Variants in MED15 observed in about 807,000 individuals in gnomAD.
MED15 encodes the protein mediator complex subunit 15, also known as mediator of RNA polymerase II transcription subunit 15.
In MED15, 41 loss-of-function variants were observed where a neutral mutation model predicts 118.7. That is an observed-to-expected ratio of 0.35 (90% CI 0.27 to 0.45). The LOEUF (loss-of-function observed/expected upper bound fraction) is 0.45, where lower values mean the gene tolerates loss of function less well. Among genes scored for constraint, MED15 ranks in the 20% least tolerant of loss-of-function variants. The probability of loss-of-function intolerance (pLI) is 1.00; values close to 1 mark genes in which losing one functional copy is unlikely to be tolerated. For synonymous variants in MED15, 436 were observed against 413.9 expected (o/e 1.05, Z -0.65); for missense variants, 740 against 1,025.5 (o/e 0.72, Z 3.80).
At chr22:20,529,712 A>C (rs976403904) in intron 1 of MED15, among the ~76,000 whole-genome samples, 1 of 151,638 alleles carries the variant, frequency 6.6e-6, no homozygotes, top group Admixed American at 6.6e-5. Flanking sequence ...CCATCCTCCT[A>C]CCTCAGCCTC....
intron 1 of MED15, among the ~76,000 whole-genome samples, chr22:20,531,201 T>G (rs2054849390): frequency 6.6e-6 from 1 of 152,094 alleles, no homozygotes; most frequent in South Asian, 2.1e-4. Flanking sequence ...GTTTGCCAGT[T>G]TTTTGCTTTA....
chr22:20,531,294 A>G (rs1267571551), intron 1 of MED15, among the ~76,000 whole-genome samples: 1 of 152,220 alleles, frequency 6.6e-6, no homozygotes, highest in Admixed American at 6.5e-5. Flanking sequence ...GAGGTGAGGA[A>G]CAACAGGCCC....
intron 7 of MED15, among the ~76,000 whole-genome samples, chr22:20,568,088 G>A (rs1485164312): frequency 6.6e-6 from 1 of 152,214 alleles, no homozygotes; most frequent in Non-Finnish European, 1.5e-5. Context: ...CGATCCACTG[G>A]CCTTGGCCTC....
rs761376102 is a variant in MED15 at position 20,554,936 on chromosome 22, A to G, written c.239A>G (p.Asp80Gly). The change falls in exon 5 of 18, where the codon GAT becomes GGT. Residue 80 changes from aspartate (D) to glycine (G), a missense_variant and splice_region_variant. By Grantham distance (94) the Asp-to-Gly change is moderately conservative. Transcript: ENST00000263205. ...AAGCTCTGCCCTTGTGTTCCCACAG[A>G]TCCTATGAATGCACTCCAGAGCCTG... ...HNKKSQASVSDPMNALQSLTG... is the reference protein window; with the variant it reads ...HNKKSQASVSGPMNALQSLTG... The G allele has an allele frequency of 6.2e-7, 1 of 1,600,994 alleles. No homozygotes were observed.
intron 5 of MED15, among the ~76,000 whole-genome samples, chr22:20,559,785 C>G (rs145041409): frequency 1.2e-3 from 183 of 152,358 alleles, no homozygotes; most frequent in African/African-American, 3.8e-3. Flanking sequence ...GAGACCATCA[C>G]TAAAAGATTT....
At position 20,571,123 on chromosome 22, in the gene MED15, T is replaced by A. The variant is rs1186262581; in HGVS notation, c.1152+2492T>A. On this transcript the variant is annotated intron_variant, in intron 8 of 17. Coordinates refer to ENST00000263205, the MANE Select transcript of MED15 (RefSeq NM_001003891.3). ...GTGAATAGCCATGGAGCAGCCAGTGTTTTCAGCTGGTGCAGGCCCAGCTGG... is the reference window on the plus strand; with the variant it reads ...GTGAATAGCCATGGAGCAGCCAGTGATTTCAGCTGGTGCAGGCCCAGCTGG... Among the ~76,000 whole-genome samples, 5 of 152,216 alleles carry A rather than the reference T, an allele frequency of 3.3e-5. 1 individual carries two copies. The highest frequency in any genetic ancestry group is 7.3e-5 in the Non-Finnish European group (5 of 68,040).
chr22:20,541,897 C>A (rs951334985), intron 2 of MED15, among the ~76,000 whole-genome samples: 2 of 152,160 alleles, frequency 1.3e-5, no homozygotes, highest in African/African-American at 4.8e-5. Flanking sequence ...ATCCACCCAC[C>A]TAGGCCTCCC....
chr22:20,565,348 G>T (rs1297657014), intron 6 of MED15, among the ~76,000 whole-genome samples: 1 of 152,148 alleles, frequency 6.6e-6, no homozygotes, highest in Non-Finnish European at 1.5e-5. Context: ...AGCCATTGTG[G>T]GCCATTTTGG....
chr22:20,530,755 CCTT>C (rs776816337), intron 1 of MED15, among the ~76,000 whole-genome samples: 1 of 152,094 alleles, frequency 6.6e-6, no homozygotes, highest in Non-Finnish European at 1.5e-5. Flanking sequence ...GTGTGAGTGT[CCTT>C]CTTGCGGGCG....
intron 6 of MED15, among the ~76,000 whole-genome samples, chr22:20,564,903 G>A (rs1434689219): frequency 6.6e-6 from 1 of 152,226 alleles, no homozygotes; most frequent in Non-Finnish European, 1.5e-5. Context: ...GGCCAAGGCA[G>A]GCGGATCATC....
Position 20,564,649 on chromosome 22 carries a change from G to A in MED15, c.651G>A (p.Gln217=). ...QQQLQQQQQQ[Q]QHLIKLHHQN... ...AGCTCCAGCAGCAGCAGCAGCAGCA[G>A]CAGCATCTAATTAAATTGCATCATC... The change falls in exon 6 of 18, where the codon CAG becomes CAA. Residue 217 remains glutamine (Q), a synonymous_variant. Coordinates refer to ENST00000263205, the MANE Select transcript of MED15 (RefSeq NM_001003891.3). 1 of 1,613,890 alleles carries A rather than the reference G, an allele frequency of 6.2e-7. No individual in the cohort carries two copies. The highest frequency in any genetic ancestry group is 8.5e-7 in the Non-Finnish European group (1 of 1,179,838).
chr22:20,585,074 G>A (rs2057093997), intron 15 of MED15, 27 bp from the exon 16 acceptor site: 1 of 1,613,414 alleles, frequency 6.2e-7, no homozygotes, highest in Non-Finnish European at 8.5e-7. Flanking sequence ...GCGTGTGCCA[G>A]GTGTGGTCAC....
chr22:20,540,793 A>T (rs1201553299), intron 2 of MED15, among the ~76,000 whole-genome samples: 3 of 152,166 alleles, frequency 2.0e-5, no homozygotes, highest in African/African-American at 7.2e-5. Context: ...GGACACTGTC[A>T]TAAGAGGGAA....
chr22:20,539,589 T>C (rs944365920), intron 2 of MED15, among the ~76,000 whole-genome samples: 3 of 152,234 alleles, frequency 2.0e-5, no homozygotes, highest in African/African-American at 7.2e-5. Flanking sequence ...TTCTCTTGGG[T>C]ATATACCTAG....
intron 8 of MED15, chr22:20,574,393 G>C (rs1457985338): frequency 6.6e-6 from 1 of 152,332 alleles, no homozygotes; most frequent in African/African-American, 2.4e-5. Flanking sequence ...CATTGATGAG[G>C]GGAATGGTCC....
chr22:20,556,962 T>C (rs897621106), intron 5 of MED15, among the ~76,000 whole-genome samples: 1 of 152,194 alleles, frequency 6.6e-6, no homozygotes, highest in East Asian at 1.9e-4. Flanking sequence ...CTAAGTAGTG[T>C]TCCATGGAAC....
At chr22:20,579,039 G>A (rs2056902245) in intron 9 of MED15, among the ~76,000 whole-genome samples, 1 of 152,246 alleles carries the variant, frequency 6.6e-6, no homozygotes, top group Admixed American at 6.5e-5. Flanking sequence ...CGGGGGCCCA[G>A]GGGGTGGCAT....
chr22:20,557,967 G>A (rs6002508), intron 5 of MED15, among the ~76,000 whole-genome samples: 4,980 of 152,264 alleles, frequency 0.033, 282 homozygotes, highest in African/African-American at 0.11. Context: ...TTAGCCGGGC[G>A]TAGTGGTGGG....
At chr22:20,581,124 C>A (rs936124730) in intron 9 of MED15, among the ~76,000 whole-genome samples, 1 of 152,242 alleles carries the variant, frequency 6.6e-6, no homozygotes, top group African/African-American at 2.4e-5. Flanking sequence ...CTTAGCCCCC[C>A]ACCCCCTGGT....
Sources: gnomAD v4.1 joint callset for allele counts (sites outside exome capture counted in the v4.1 genomes callset) on GRCh38, gnomAD v4.1.1 for gene constraint, MANE v1.5 for transcripts, NCBI Gene and HGNC (gene_info 2026-07-23, HGNC 2026-07-21) for gene names.